Variants in INPP4B observed in about 807,000 individuals in gnomAD.
INPP4B encodes the protein inositol polyphosphate 4-phosphatase type II.
INPP4B carries 55 observed loss-of-function variants against 122.5 expected under a neutral mutation model. The observed-to-expected ratio is 0.45, with a 90% CI of 0.36 to 0.56. The LOEUF is 0.56. INPP4B is among the 20% of genes least tolerant of loss of function. The pLI is 0.00. For synonymous variants in INPP4B, 403 were observed against 388.7 expected (o/e 1.04, Z -0.43); for missense variants, 1,000 against 1,097.7 (o/e 0.91, Z 1.26).
At chr4:142,627,264 C>T (rs902512662) in intron 2 of INPP4B, among the ~76,000 whole-genome samples, 16 of 151,536 alleles carry the variant, frequency 1.1e-4, no homozygotes, top group Admixed American at 9.2e-4. Flanking sequence ...TGCCTAATTG[C>T]CCTGGCCAGA....
At chr4:142,675,560 G>A (rs1205838304) in intron 2 of INPP4B, among the ~76,000 whole-genome samples, 1 of 151,940 alleles carries the variant, frequency 6.6e-6, no homozygotes, top group Non-Finnish European at 1.5e-5. Flanking sequence ...AAAATTTCAG[G>A]CCAATATCCC....
intron 16 of INPP4B, among the ~76,000 whole-genome samples, chr4:142,163,871 T>C (rs1354616461): frequency 6.6e-6 from 1 of 151,834 alleles, no homozygotes; most frequent in Non-Finnish European, 1.5e-5. Context: ...TAAAAAACCT[T>C]TTTCTTTTCT....
chr4:142,096,786 T>C (rs569206966), intron 23 of INPP4B, among the ~76,000 whole-genome samples: 76 of 152,274 alleles, frequency 5.0e-4, no homozygotes, highest in Middle Eastern at 6.8e-3. Context: ...GCTGGAAATA[T>C]TCCAATATTT....
rs773595440 is a variant in INPP4B at position 142,122,232 on chromosome 4, T to C, written c.2031A>G (p.Gly677=). ...TGCCAACGGCCATGTCCTCTAGCATTCCAATTTCATCGCCTAAACAATAGA... is the reference window on the plus strand; with the variant it reads ...TGCCAACGGCCATGTCCTCTAGCATCCCAATTTCATCGCCTAAACAATAGA... ...GLLSTYSDEI[G]MLEDMAVGIS... Residue 677 remains glycine (G), a synonymous_variant, in exon 21 of 26, where the codon GGA becomes GGG. Coordinates refer to ENST00000262992, the MANE Select transcript of INPP4B (RefSeq NM_001101669.3). 6.2e-7 allele frequency: 1 copy of C among 1,609,504 alleles called. No individual in the cohort carries two copies. The highest frequency in any genetic ancestry group is 1.7e-5 in the Admixed American group (1 of 59,268).
rs1491563383 is a variant in INPP4B at position 142,579,877 on chromosome 4, AGG to A, written c.-190-117153_-190-117152del. 1.1e-3 allele frequency among the ~76,000 whole-genome samples: 124 copies of A among 113,794 alleles called. 1 individual carries two copies. The highest frequency in any genetic ancestry group is 2.8e-3 in the African/African-American group (83 of 29,574). 74.7% of individuals were successfully genotyped at this position (113,794 alleles called of 152,430 possible). A position where few individuals can be genotyped will look rare whatever the true frequency, so the allele number is the denominator to read the frequency against. ...TGAATGGATAGATAGATAGATAGGT[AGG>A]TAGATAGATAGATAGATAGATAGAT... On this transcript the variant is annotated intron_variant, in intron 2 of 25. Transcript: ENST00000262992.
At chr4:142,058,954 A>G (rs1420346585) in intron 25 of INPP4B, among the ~76,000 whole-genome samples, 1 of 152,126 alleles carries the variant, frequency 6.6e-6, no homozygotes, top group Non-Finnish European at 1.5e-5. Context: ...GCCTGCTGCC[A>G]TCTGATAAAC....
At chr4:142,047,459 G>C (rs1023414830) in intron 25 of INPP4B, among the ~76,000 whole-genome samples, 1 of 151,946 alleles carries the variant, frequency 6.6e-6, no homozygotes, top group African/African-American at 2.4e-5. Flanking sequence ...CTTCAACTCA[G>C]ACTGTTAAAT....
chr4:142,443,018 A>C (rs1812152770), intron 3 of INPP4B, among the ~76,000 whole-genome samples: 1 of 152,122 alleles, frequency 6.6e-6, no homozygotes, highest in South Asian at 2.1e-4. Context: ...AGTATGGGGG[A>C]AACTGACCCC....
chr4:142,644,960 T>G lies in INPP4B; in HGVS notation c.-191+80879A>C, dbSNP rs561358892. Among the ~76,000 whole-genome samples, 10 of 150,830 alleles carry G rather than the reference T, an allele frequency of 6.6e-5. No homozygotes were observed. In the South Asian group the frequency reaches 2.1e-3, roughly 32 times the overall value. ...AAACATCTCAAACATCTTAGCTTTA[T>G]GTATTAATTTATTCTATGGAGAAAG... On this transcript the variant is annotated intron_variant, in intron 2 of 25. Coordinates refer to ENST00000262992, the MANE Select transcript of INPP4B (RefSeq NM_001101669.3).
intron 2 of INPP4B, among the ~76,000 whole-genome samples, chr4:142,648,208 T>C (rs1045166242): frequency 6.6e-6 from 1 of 152,212 alleles, no homozygotes; most frequent in East Asian, 1.9e-4. Context: ...CCTTCCAAGA[T>C]GGCCAAATAG....
intron 1 of INPP4B, among the ~76,000 whole-genome samples, chr4:142,732,539 G>T (rs981999468): frequency 6.6e-6 from 1 of 151,838 alleles, no homozygotes; most frequent in African/African-American, 2.4e-5. Context: ...AACAAATTAT[G>T]CTACCATAAT....
chr4:142,500,691 G>A (rs1055582261), intron 2 of INPP4B, among the ~76,000 whole-genome samples: 2 of 152,040 alleles, frequency 1.3e-5, no homozygotes, highest in Non-Finnish European at 2.9e-5. Flanking sequence ...ATCTCTTCAA[G>A]ATCATTAGAA....
intron 2 of INPP4B, among the ~76,000 whole-genome samples, chr4:142,640,375 GAATA>G (rs1326584954): frequency 8.5e-5 from 13 of 152,118 alleles, no homozygotes; most frequent in Non-Finnish European, 1.5e-4. Flanking sequence ...GGAATAAATG[GAATA>G]ATTAATATAT....
At chr4:142,420,346 T>G (rs562480288) in intron 5 of INPP4B, among the ~76,000 whole-genome samples, 2 of 152,252 alleles carry the variant, frequency 1.3e-5, no homozygotes, top group Admixed American at 1.3e-4. Context: ...GAGAAAAGTT[T>G]GAGGTCTTAT....
chr4:142,242,918 G>C, intron 11 of INPP4B, among the ~76,000 whole-genome samples: 1 of 152,066 alleles, frequency 6.6e-6, no homozygotes, highest in Middle Eastern at 3.2e-3. Context: ...GGTTTTTCTT[G>C]TTCTCTTTTT....
chr4:142,475,844 T>C (rs1819702733), intron 2 of INPP4B, among the ~76,000 whole-genome samples: 1 of 152,306 alleles, frequency 6.6e-6, no homozygotes, highest in Admixed American at 6.5e-5. Context: ...AATATGAGAT[T>C]ATGTAAAGAG....
intron 11 of INPP4B, among the ~76,000 whole-genome samples, chr4:142,253,401 G>A (rs760486994): frequency 1.3e-5 from 2 of 152,218 alleles, no homozygotes; most frequent in African/African-American, 4.8e-5. Context: ...CAGTGTGAGC[G>A]ATGCAGAAGA....
intron 7 of INPP4B, among the ~76,000 whole-genome samples, chr4:142,397,015 A>G (rs948645481): frequency 6.6e-6 from 1 of 152,232 alleles, no homozygotes; most frequent in African/African-American, 2.4e-5. Flanking sequence ...TGACATGGGC[A>G]TACGCAATTG....
At chr4:142,608,373 A>G (rs1741750466) in intron 2 of INPP4B, among the ~76,000 whole-genome samples, 1 of 152,208 alleles carries the variant, frequency 6.6e-6, no homozygotes, top group Non-Finnish European at 1.5e-5. Context: ...ATTAAAAACA[A>G]ACATGATAAT....
Sources: allele counts gnomAD v4.1 joint callset (sites outside exome capture counted in the v4.1 genomes callset), GRCh38; gene constraint gnomAD v4.1.1; transcripts MANE v1.5; gene names NCBI Gene and HGNC (gene_info 2026-07-23, HGNC 2026-07-21).